The following KAZN variants were observed in gnomAD, a reference collection of about 807,000 sequenced individuals.
KAZN encodes kazrin.
Under a neutral mutation model 87.4 loss-of-function variants are expected in KAZN, and 40 were observed. That is an observed-to-expected ratio of 0.46 (90% CI 0.36 to 0.60). The LOEUF (loss-of-function observed/expected upper bound fraction) is 0.60, where lower values mean the gene tolerates loss of function less well. Among genes scored for constraint, KAZN ranks in the 20% least tolerant of loss-of-function variants. KAZN has a pLI of 0.00. For missense variants in KAZN, 898 were observed against 1,073.9 expected (o/e 0.84, Z 2.29); for synonymous variants, 466 against 458.3 (o/e 1.02, Z -0.22).
chr1:14,219,446 A>C (rs1456197329), intron 2 of KAZN, among the ~76,000 whole-genome samples: 1 of 152,210 alleles, frequency 6.6e-6, no homozygotes, highest in Non-Finnish European at 1.5e-5. Context: ...TTTACAACTA[A>C]TAAGCTTTTT....
In KAZN at chr1:14,386,061, G is replaced by T. The variant is rs1385637463; in HGVS notation, c.249+205469G>T. On this transcript the variant is annotated intron_variant, in intron 2 of 16. Coordinates refer to the KAZN transcript ENST00000636203. ...CTTGTTGAATTGATCCCTTTACCAT[G>T]ATGTAATGGCCTTCTTTGTCTCTTT... Among the ~76,000 whole-genome samples the T allele has an allele frequency of 2.5e-3, 382 of 151,272 alleles. 2 individuals carry two copies. Among genetic ancestry groups the T allele is most frequent in the African/African-American group, 8.4e-3 (343 of 40,964 alleles).
intron 1 of KAZN, among the ~76,000 whole-genome samples, chr1:14,865,389 A>G (rs1349035015): frequency 6.6e-6 from 1 of 152,212 alleles, no homozygotes; most frequent in Non-Finnish European, 1.5e-5. Context: ...TCTGCTTAGC[A>G]GAGATGACAG....
intron 8 of KAZN, among the ~76,000 whole-genome samples, chr1:15,083,786 T>C (rs1354280249): frequency 6.6e-6 from 1 of 152,148 alleles, no homozygotes; most frequent in Non-Finnish European, 1.5e-5. Context: ...TGTGAGAGTA[T>C]CTTCCCACAC....
chr1:14,651,993 C>T (rs1352705371), intron 1 of KAZN, among the ~76,000 whole-genome samples: 1 of 152,218 alleles, frequency 6.6e-6, no homozygotes. Flanking sequence ...TCAAATTTTA[C>T]CTTCTTTTGC....
chr1:14,931,213 G>A (rs1356393999), intron 1 of KAZN, among the ~76,000 whole-genome samples: 1 of 152,028 alleles, frequency 6.6e-6, no homozygotes, highest in African/African-American at 2.4e-5. Context: ...GAAGCAGGCG[G>A]AGCACTTGAG....
chr1:15,110,236 TA>T (rs1240329599), intron 13 of KAZN, among the ~76,000 whole-genome samples: 1 of 139,958 alleles, frequency 7.1e-6, no homozygotes, highest in Non-Finnish European at 1.5e-5. Flanking sequence ...TGTATGTGTA[TA>T]TATGTATATG....
chr1:15,090,236 C>G (rs955373747), intron 8 of KAZN, among the ~76,000 whole-genome samples: 2 of 152,208 alleles, frequency 1.3e-5, no homozygotes, highest in African/African-American at 2.4e-5. Context: ...TGTCTTGGAA[C>G]TTTGGGTAAC....
intron 2 of KAZN, among the ~76,000 whole-genome samples, chr1:14,194,739 C>T (rs1204114607): frequency 6.6e-6 from 1 of 152,090 alleles, no homozygotes; most frequent in Non-Finnish European, 1.5e-5. Context: ...GGGCATGGGC[C>T]CTTGAGGGAA....
intron 1 of KAZN, among the ~76,000 whole-genome samples, chr1:14,899,992 C>T (rs557719367): frequency 3.9e-5 from 6 of 152,336 alleles, no homozygotes; most frequent in East Asian, 1.9e-4. Flanking sequence ...TTCTTCTTCC[C>T]GTTCCGGCCC....
At chr1:14,948,262 T>C (rs993779763) in intron 1 of KAZN, among the ~76,000 whole-genome samples, 13 of 152,198 alleles carry the variant, frequency 8.5e-5, no homozygotes, top group East Asian at 1.9e-4. Context: ...AGGGATAGGA[T>C]CTGGCTTCAG....
intron 1 of KAZN, among the ~76,000 whole-genome samples, chr1:14,696,028 T>C (rs1484146120): frequency 6.6e-6 from 1 of 152,216 alleles, no homozygotes; most frequent in Non-Finnish European, 1.5e-5. Context: ...CTTTAGCTAC[T>C]ATATTAATTT....
chr1:13,986,779 A>G (rs12728009), intron 1 of KAZN, among the ~76,000 whole-genome samples: 20,949 of 152,166 alleles, frequency 0.14, 1,574 homozygotes, highest in Middle Eastern at 0.2. Context: ...TCTATAGAGG[A>G]AGGAGAAACC....
Position 14,890,798 on chromosome 1 carries a change from G to C in KAZN, c.227-69886G>C, listed in dbSNP as rs528354438. ...CCCACCTTAGCCTCCCAAAGTGCTGGGATTACAGGTATGAGCCACTGTGCC... is the reference window on the plus strand; with the variant it reads ...CCCACCTTAGCCTCCCAAAGTGCTGCGATTACAGGTATGAGCCACTGTGCC... On this transcript the variant is annotated intron_variant, in intron 1 of 14. Coordinates refer to ENST00000376030, the MANE Select transcript of KAZN (RefSeq NM_201628.3). 2.7e-5 allele frequency among the ~76,000 whole-genome samples: 4 copies of C among 150,128 alleles called. No homozygotes were observed. In the South Asian group the frequency reaches 8.4e-4, roughly 32 times the overall value.
In KAZN at chr1:14,586,584, G is replaced by A. The variant is rs1204632594; in HGVS notation, c.250-12399G>A. On this transcript the variant is annotated intron_variant, in intron 2 of 16. Transcript: ENST00000636203. ...TATTCTGTTGCTCAGGTGCTGGAGTGCGGTGGCACAATCATAGCTCACTGA... is the reference window on the plus strand; with the variant it reads ...TATTCTGTTGCTCAGGTGCTGGAGTACGGTGGCACAATCATAGCTCACTGA... Among the ~76,000 whole-genome samples the A allele has an allele frequency of 3.4e-5, 5 of 147,802 alleles. No homozygotes were observed. In the South Asian group the frequency reaches 1.1e-3, roughly 31 times the overall value.
chr1:14,985,358 T>C (rs910072476), intron 2 of KAZN, among the ~76,000 whole-genome samples: 2 of 148,456 alleles, frequency 1.3e-5, no homozygotes, highest in African/African-American at 5.1e-5. Flanking sequence ...AGGGAGACCT[T>C]GTCTCTATAA....
chr1:14,962,578 A>C (rs1367810769), intron 2 of KAZN, among the ~76,000 whole-genome samples: 1 of 152,160 alleles, frequency 6.6e-6, no homozygotes, highest in Non-Finnish European at 1.5e-5. Context: ...AGTCTCGGGA[A>C]TCTCCCACAA....
intron 1 of KAZN, among the ~76,000 whole-genome samples, chr1:14,645,839 A>G (rs568543660): frequency 6.6e-6 from 1 of 152,308 alleles, no homozygotes; most frequent in South Asian, 2.1e-4. Context: ...TTCAAGGGGA[A>G]TGCTTCCAGC....
intron 1 of KAZN, among the ~76,000 whole-genome samples, chr1:14,893,293 GA>G (rs1654916021): frequency 6.6e-6 from 1 of 152,204 alleles, no homozygotes; most frequent in African/African-American, 2.4e-5. Flanking sequence ...TGGAGCCCAG[GA>G]GGCAGAGGTT....
Position 14,909,922 on chromosome 1 carries a change from G to A in KAZN, c.227-50762G>A, listed in dbSNP as rs369287147. Reference sequence around the variant, plus strand: ...ACAAAAGTTAGCCAGGCACGGTGGCGTGTGCTTGTAGTCCCAGCTACTCGG... The same window carrying A: ...ACAAAAGTTAGCCAGGCACGGTGGCATGTGCTTGTAGTCCCAGCTACTCGG... On this transcript the variant is annotated intron_variant, in intron 1 of 14. Coordinates refer to ENST00000376030, the MANE Select transcript of KAZN (RefSeq NM_201628.3). 1.4e-4 allele frequency among the ~76,000 whole-genome samples: 21 copies of A among 152,206 alleles called. No homozygotes were observed. In the East Asian group the frequency reaches 2.9e-3, roughly 21 times the overall value.
Sources: gnomAD v4.1 joint callset for allele counts (sites outside exome capture counted in the v4.1 genomes callset) on GRCh38, gnomAD v4.1.1 for gene constraint, MANE v1.5 for transcripts, NCBI Gene and HGNC (gene_info 2026-07-23, HGNC 2026-07-21) for gene names.